Variants in CEP162 observed in about 807,000 individuals in gnomAD.
CEP162 encodes the protein centrosomal protein of 162 kDa.
In CEP162, 141 loss-of-function variants were observed where a neutral mutation model predicts 169.2. The ratio of observed to expected loss-of-function variants is 0.83; its 90% CI spans 0.73 to 0.96. The LOEUF (loss-of-function observed/expected upper bound fraction) is 0.96. Among genes scored for constraint, CEP162 ranks in the 40% least tolerant of loss-of-function variants. The pLI is 0.00. For synonymous variants in CEP162, 540 were observed against 526.4 expected (o/e 1.03, Z -0.35); for missense variants, 1,600 against 1,587.2 (o/e 1.01, Z -0.14).
At chr6:84,135,276 A>G (rs990831170) in intron 25 of CEP162, among the ~76,000 whole-genome samples, 1 of 152,238 alleles carries the variant, frequency 6.6e-6, no homozygotes, top group Non-Finnish European at 1.5e-5. Context: ...TCTTTAATGA[A>G]TAAAACTGTT....
chr6:84,170,025 C>A (rs2099529368), intron 17 of CEP162, among the ~76,000 whole-genome samples: 1 of 151,908 alleles, frequency 6.6e-6, no homozygotes, highest in African/African-American at 2.4e-5. Flanking sequence ...TTTTAGAAGC[C>A]AAGTAGTACA....
intron 25 of CEP162, among the ~76,000 whole-genome samples, chr6:84,135,719 C>T (rs561268402): frequency 6.6e-6 from 1 of 151,948 alleles, no homozygotes; most frequent in Non-Finnish European, 1.5e-5. Context: ...AAAAATTAGC[C>T]GGGTGTGATG....
At position 84,183,973 on chromosome 6, in the gene CEP162, T is replaced by C. The variant is rs530954690; in HGVS notation, c.1663+1214A>G. On this transcript the variant is annotated intron_variant, in intron 13 of 26. Coordinates refer to ENST00000403245, the MANE Select transcript of CEP162 (RefSeq NM_014895.4). ...CGCATCTAATGATACTGCTTTCTAT[T>C]TCTCAGAGAAAACTGGAGCTATCAC... is the stretch of plus-strand genomic sequence containing the variant. 8.5e-5 allele frequency among the ~76,000 whole-genome samples: 13 copies of C among 152,234 alleles called. No individual in the cohort carries two copies. In the South Asian group the frequency reaches 2.7e-3, roughly 32 times the overall value.
chr6:84,215,540 G>T, intron 4 of CEP162, 75 bp from the exon 5 acceptor site: 2 of 1,256,256 alleles, frequency 1.6e-6, no homozygotes, highest in Non-Finnish European at 1.1e-6. Context: ...TGCATTTATT[G>T]ACATTATGTA....
chr6:84,202,524 T>C (rs982215786), intron 7 of CEP162, among the ~76,000 whole-genome samples: 1 of 120,866 alleles, frequency 8.3e-6, no homozygotes, highest in Non-Finnish European at 1.8e-5. Flanking sequence ...CTTTCTTTTT[T>C]TTTTTTTTTT....
chr6:84,220,009 C>T (rs1231488977), intron 3 of CEP162, among the ~76,000 whole-genome samples: 1 of 152,012 alleles, frequency 6.6e-6, no homozygotes, highest in African/African-American at 2.4e-5. Context: ...ATTCTAATGG[C>T]AAGGAAGCAT....
intron 13 of CEP162, among the ~76,000 whole-genome samples, chr6:84,176,416 G>A (rs1201318776): frequency 6.6e-6 from 1 of 152,174 alleles, no homozygotes; most frequent in Non-Finnish European, 1.5e-5. Context: ...TGTTCATGAA[G>A]AGACTGTTTT....
rs997797325 is a variant in CEP162 at position 84,157,629 on chromosome 6, C to A, written c.2782-2119G>T. ...GGCTGAGGTTGCAGTGAGCCAGGAT[C>A]GCGCTCCAGCCTGAGTGACAGGGTG... On this transcript the variant is annotated intron_variant, in intron 21 of 26. Coordinates refer to ENST00000403245, the MANE Select transcript of CEP162 (RefSeq NM_014895.4). Among the ~76,000 whole-genome samples, 7 of 151,968 alleles carry A rather than the reference C, an allele frequency of 4.6e-5. No individual in the cohort carries two copies. In the East Asian group the frequency reaches 1.4e-3, roughly 29 times the overall value.
intron 25 of CEP162, among the ~76,000 whole-genome samples, chr6:84,130,023 G>A (rs2099510629): frequency 6.6e-6 from 1 of 152,152 alleles, no homozygotes; most frequent in Admixed American, 6.6e-5. Context: ...CTATTATTTT[G>A]TGATACGTTC....
intron 25 of CEP162, among the ~76,000 whole-genome samples, chr6:84,141,723 A>G (rs1000672705): frequency 1.3e-5 from 2 of 152,182 alleles, no homozygotes; most frequent in Non-Finnish European, 2.9e-5. Context: ...GGAGATAAAC[A>G]GAACACTGTC....
At position 84,212,956 on chromosome 6, in the gene CEP162, C is replaced by A; in HGVS notation, c.571+1G>T. The stretch of plus-strand genomic sequence containing the variant: ...ATAAATTTAAGAACCAATGAAATTA[C>A]CTGCCAGTTCTTCATGTTTCGATTC... On this transcript the variant is annotated splice_donor_variant, in intron 6 of 26. Coordinates refer to ENST00000403245, the MANE Select transcript of CEP162 (RefSeq NM_014895.4). LOFTEE classifies it high-confidence loss of function. The A allele has an allele frequency of 6.6e-7, 1 of 1,526,258 alleles. No homozygotes were observed. The highest frequency in any genetic ancestry group is 1.2e-5 in the South Asian group (1 of 81,134). 94.5% of individuals were successfully genotyped at this position (1,526,258 alleles called of 1,614,324 possible).
At position 84,209,373 on chromosome 6, in the gene CEP162, C is replaced by CTT. The variant is rs369112037; in HGVS notation, c.571+3582_571+3583dup. Among the ~76,000 whole-genome samples, 234 of 143,450 alleles carry CTT rather than the reference C, an allele frequency of 1.6e-3. 1 individual carries two copies. The highest frequency in any genetic ancestry group is 5.5e-3 in the African/African-American group (215 of 39,382). 94.1% of individuals were successfully genotyped at this position (143,450 alleles called of 152,430 possible). A position where few individuals can be genotyped will look rare whatever the true frequency, so the allele number is the denominator to read the frequency against. On this transcript the variant is annotated intron_variant, in intron 6 of 26. Coordinates refer to ENST00000403245, the MANE Select transcript of CEP162 (RefSeq NM_014895.4). Reference sequence around the variant, plus strand: ...ATTGCTGTTAATATTATTATAGCTACTTTTTTTTTTTTTTTCTTGAGACGG... The same window carrying CTT: ...ATTGCTGTTAATATTATTATAGCTACTTTTTTTTTTTTTTTTTCTTGAGACGG...
At chr6:84,201,158 G>A (rs986274913) in intron 8 of CEP162, among the ~76,000 whole-genome samples, 2 of 152,096 alleles carry the variant, frequency 1.3e-5, no homozygotes, top group African/African-American at 4.8e-5. Context: ...GGCGCCTGTA[G>A]TTCCAGCTAC....
intron 21 of CEP162, among the ~76,000 whole-genome samples, chr6:84,158,786 T>C (rs1231772795): frequency 2.6e-5 from 4 of 152,064 alleles, no homozygotes; most frequent in Non-Finnish European, 5.9e-5. Flanking sequence ...AAATTAAATA[T>C]TTTCAATCTG....
chr6:84,169,465 T>G (rs1244568663), intron 17 of CEP162, 32 bp from the exon 18 acceptor site: 1 of 1,342,278 alleles, frequency 7.5e-7, no homozygotes, highest in Non-Finnish European at 1.0e-6. Flanking sequence ...AAGTTGTTTT[T>G]CTTTCTTACC....
intron 9 of CEP162, among the ~76,000 whole-genome samples, chr6:84,197,820 C>T (rs969418575): frequency 2.3e-5 from 1 of 43,324 alleles, no homozygotes; most frequent in Non-Finnish European, 4.4e-5. Flanking sequence ...CTGCCTCAAA[C>T]AAAACAAAAA....
intron 3 of CEP162, among the ~76,000 whole-genome samples, chr6:84,216,785 A>G (rs1017714114): frequency 3.3e-5 from 5 of 152,176 alleles, no homozygotes; most frequent in African/African-American, 9.7e-5. Flanking sequence ...TGAGTGTCAG[A>G]AAGTGGAGAA....
intron 25 of CEP162, among the ~76,000 whole-genome samples, chr6:84,130,409 G>A (rs2099510838): frequency 6.6e-6 from 1 of 151,982 alleles, no homozygotes; most frequent in Non-Finnish European, 1.5e-5. Context: ...TTTCTATTGT[G>A]TGGAATAGTT....
At chr6:84,151,212 CAG>C (rs1187586625) in intron 23 of CEP162, among the ~76,000 whole-genome samples, 5 of 151,858 alleles carry the variant, frequency 3.3e-5, no homozygotes, top group Non-Finnish European at 7.4e-5. Flanking sequence ...CACCGGAGAG[CAG>C]AGTGACCCAG....
Sources: gnomAD v4.1 joint callset for allele counts (sites outside exome capture counted in the v4.1 genomes callset) on GRCh38, gnomAD v4.1.1 for gene constraint, MANE v1.5 for transcripts, NCBI Gene and HGNC (gene_info 2026-07-23, HGNC 2026-07-21) for gene names.